Variants in HPSE observed in about 807,000 individuals in gnomAD.
HPSE encodes the protein endo-glucoronidase.
A neutral mutation model predicts 65.1 loss-of-function variants in HPSE; 48 were observed. That is an observed-to-expected ratio of 0.74 (90% CI 0.58 to 0.94). The LOEUF is 0.94. Ranked by LOEUF, HPSE falls within the 40% of genes least tolerant of loss-of-function variation. The pLI, the probability that HPSE is intolerant of heterozygous loss-of-function variation, is 0.00. For synonymous variants in HPSE, 243 were observed against 260.0 expected, an observed-to-expected ratio of 0.93 and a Z score of 0.63; for missense variants, 644 against 637.5, an observed-to-expected ratio of 1.01 and a Z score of -0.11.
intron 8 of HPSE, 76 bp downstream of exon 8, chr4:83,308,769 G>A (rs1379787149): frequency 1.1e-5 from 12 of 1,099,710 alleles, no homozygotes; most frequent in Non-Finnish European, 1.6e-5. Context: ...TTTTTGGCTG[G>A]GGAGCTATTT....
rs1736251751 is a variant in HPSE at position 83,308,865 on chromosome 4, G to A, written c.1071C>T (p.Asp357=). The change falls in exon 8 of 12, where the codon GAC becomes GAT. Residue 357 remains aspartate (D), a synonymous_variant. Coordinates refer to ENST00000311412, the MANE Select transcript of HPSE (RefSeq NM_001098540.3). Reference sequence around the variant, plus strand: ...CTCACATAAAGCCAGCTGCAAAGGTGTCGGATAGCAAGGGCGCTCCGCCTC... The same window carrying A: ...CTCACATAAAGCCAGCTGCAAAGGTATCGGATAGCAAGGGCGCTCCGCCTC... The part of the protein sequence containing the change: ...AYGGGAPLLS[D]TFAAGFMWLD... 2 of 1,613,788 alleles carry A rather than the reference G, an allele frequency of 1.2e-6. No individual in the cohort carries two copies. The highest frequency in any genetic ancestry group is 1.1e-5 in the South Asian group (1 of 91,074).
At position 83,326,632 on chromosome 4, in the gene HPSE, T is replaced by C. The variant is rs1481314998; in HGVS notation, c.228-4268A>G. On this transcript the variant is annotated intron_variant, in intron 1 of 11. Coordinates refer to ENST00000311412, the MANE Select transcript of HPSE (RefSeq NM_001098540.3). This position sits in a 1 kb window ranked among gnomAD's most constrained non-coding sequence, Gnocchi z 4.2. ...GGAATATAGACAGGCGAGTCCTCAG[T>C]AGAAATGTCAGGGACTGGCAACCCC... Among the ~76,000 whole-genome samples the C allele has an allele frequency of 7.2e-5, 11 of 152,070 alleles. No homozygotes were observed. Among genetic ancestry groups the C allele is most frequent in the South Asian group, 2.1e-4 (1 of 4,822 alleles).
rs1298125725 is a variant in HPSE, at chr4:83,326,837, G to A, written c.228-4473C>T. Among the ~76,000 whole-genome samples, 1 of 152,156 alleles carries A rather than the reference G, an allele frequency of 6.6e-6. No individual in the cohort carries two copies. Among genetic ancestry groups the A allele is most frequent in the Non-Finnish European group, 1.5e-5 (1 of 68,026 alleles). ...TAGATTCCTCTAGCTGTATTTGTAA[G>A]CAGTCGCGGCTGGGCAAGAGACTGG... On this transcript the variant is annotated intron_variant, in intron 1 of 11. Coordinates refer to ENST00000311412, the MANE Select transcript of HPSE (RefSeq NM_001098540.3). The surrounding 1 kb of genome is among the most constrained non-coding windows in gnomAD (Gnocchi z 4.2).
At chr4:83,323,231 A>G (rs1452794931) in intron 1 of HPSE, among the ~76,000 whole-genome samples, 1 of 152,136 alleles carries the variant, frequency 6.6e-6, no homozygotes, top group Non-Finnish European at 1.5e-5. Flanking sequence ...AATACTCTGT[A>G]TGTTACTATA....
intron 11 of HPSE, among the ~76,000 whole-genome samples, chr4:83,300,378 CTTT>C (rs1735893259): frequency 6.6e-6 from 1 of 152,126 alleles, no homozygotes; most frequent in African/African-American, 2.4e-5. Context: ...AGAATTATGT[CTTT>C]TTAGAGTAAA....
chr4:83,317,340 A>G (rs1736693446), intron 3 of HPSE, among the ~76,000 whole-genome samples: 1 of 152,212 alleles, frequency 6.6e-6, no homozygotes, highest in African/African-American at 2.4e-5. Context: ...GTTCAGAACA[A>G]TTTGTGGAAT....
At chr4:83,304,694 C>G (rs997170780) in intron 9 of HPSE, among the ~76,000 whole-genome samples, 2 of 152,036 alleles carry the variant, frequency 1.3e-5, no homozygotes, top group Non-Finnish European at 2.9e-5. Flanking sequence ...AATAAATCAC[C>G]ATTCAACACA....
chr4:83,327,015 T>A (rs908146285), intron 1 of HPSE, among the ~76,000 whole-genome samples: 6 of 152,190 alleles, frequency 3.9e-5, no homozygotes, highest in African/African-American at 7.2e-5. Context: ...ATTTTCTTCA[T>A]AGCATTCATC....
chr4:83,327,082 C>T (rs1211897728), intron 1 of HPSE, among the ~76,000 whole-genome samples: 1 of 152,168 alleles, frequency 6.6e-6, no homozygotes, highest in Non-Finnish European at 1.5e-5. Flanking sequence ...ATTGCAGCCC[C>T]CATCTCTGCT....
chr4:83,325,139 GTGTGT>G (rs1737096500), intron 1 of HPSE, among the ~76,000 whole-genome samples: 1 of 71,750 alleles, frequency 1.4e-5, no homozygotes, highest in African/African-American at 9.9e-5. Context: ...TGGTGTGTGT[GTGTGT>G]GTGTGTGTGT....
In HPSE at chr4:83,334,594, G is replaced by A; in HGVS notation, c.189C>T (p.Ala63=). The change falls in exon 1 of 12, where the codon GCC becomes GCT. Residue 63 remains alanine (A), a synonymous_variant. Transcript: ENST00000311412. ...SPSFLSVTID[A]NLATDPRFLI... ...GGAACCGCGGGTCCGTGGCCAGGTT[G>A]GCGTCAATGGTGACGGACAGGAACG... 2 of 1,592,456 alleles carry A rather than the reference G, an allele frequency of 1.3e-6. No homozygotes were observed. Among genetic ancestry groups the A allele is most frequent in the African/African-American group, 2.7e-5 (2 of 74,696 alleles).
chr4:83,334,746 G>C lies in HPSE; in HGVS notation c.37C>G (p.Leu13Val), dbSNP rs752488042. The C allele has an allele frequency of 6.4e-7, 1 of 1,554,760 alleles. No individual in the cohort carries two copies. Among genetic ancestry groups the C allele is most frequent in the Non-Finnish European group, 8.7e-7 (1 of 1,149,148 alleles). The stretch of plus-strand genomic sequence containing the variant: ...AGCGGCCCCAGGAGCAGCAGCATCA[G>C]CGGCGGCGGCAGCGCAGGCTTCGAG... ...LRSKPALPPP[L>V]MLLLLGPLGP... The change falls in exon 1 of 12, where the codon CTG (leucine) becomes GTG (valine). Residue 13 changes from leucine to valine, a missense_variant. Coordinates refer to ENST00000311412, the MANE Select transcript of HPSE (RefSeq NM_001098540.3).
chr4:83,324,113 C>CTTTTTCTTTTTTT (rs1737034963), intron 1 of HPSE, among the ~76,000 whole-genome samples: 1 of 74,742 alleles, frequency 1.3e-5, no homozygotes, highest in African/African-American at 5.2e-5. Context: ...TCTTCTTCTT[C>CTTTTTCTTTTTTT]TTTTTTTTTT....
Position 83,310,833 on chromosome 4 carries a change from T to C in HPSE, c.731A>G (p.Glu244Gly), listed in dbSNP as rs1294069651. The C allele has an allele frequency of 1.9e-6, 3 of 1,613,982 alleles. No homozygotes were observed. The highest frequency in any genetic ancestry group is 2.5e-6 in the Non-Finnish European group (3 of 1,179,858). ...DIFINGSQLG[E>G]DFIQLHKLLR... ...AAGTTTATGCAATTGAATAAAATCT[T>C]CTCCTAACTGCGACCCATTGATGAA... The change falls in exon 5 of 12, where the codon GAA (glutamate) becomes GGA (glycine). Residue 244 changes from glutamate to glycine, a missense_variant. Coordinates refer to ENST00000311412, the MANE Select transcript of HPSE (RefSeq NM_001098540.3).
At chr4:83,329,672 A>G (rs1737290444) in intron 1 of HPSE, among the ~76,000 whole-genome samples, 1 of 152,150 alleles carries the variant, frequency 6.6e-6, no homozygotes, top group Non-Finnish European at 1.5e-5. Flanking sequence ...TTGAGATGAA[A>G]TGCATACATT....
At position 83,302,162 on chromosome 4, in the gene HPSE, G is replaced by T; in HGVS notation, c.1313C>A (p.Thr438Lys). The T allele has an allele frequency of 6.2e-7, 1 of 1,608,806 alleles. No individual in the cohort carries two copies. The highest frequency in any genetic ancestry group is 8.5e-7 in the Non-Finnish European group (1 of 1,175,162). ...RRKLRVYLHC[T>K]NTDNPRYKEG... Reference sequence around the variant, plus strand: ...GTTTCATACTTACTTGTCAGTGTTTGTGCAATGAAGGTATACTCGAAGCTT... The same window carrying T: ...GTTTCATACTTACTTGTCAGTGTTTTTGCAATGAAGGTATACTCGAAGCTT... Residue 438 changes from threonine to lysine, a missense_variant, in exon 10 of 12, where the codon ACA (threonine) becomes AAA (lysine). Physicochemically the swap from Thr to Lys is moderately conservative, Grantham distance 78. Transcript: ENST00000311412.
intron 1 of HPSE, among the ~76,000 whole-genome samples, chr4:83,332,067 TGAC>T (rs1277327116): frequency 6.6e-6 from 1 of 152,234 alleles, no homozygotes; most frequent in Non-Finnish European, 1.5e-5. Flanking sequence ...GCCAGGCAAA[TGAC>T]AAGAACTGAG....
At chr4:83,310,654 A>G (rs1736331134) in intron 5 of HPSE, 68 bp downstream of exon 5, 1 of 1,436,640 alleles carries the variant, frequency 7.0e-7, no homozygotes, top group Non-Finnish European at 9.5e-7. Context: ...TCTGGCTGAC[A>G]GAGTGAGACT....
In HPSE at chr4:83,319,349, T is replaced by C. The variant is rs770108611; in HGVS notation, c.494A>G (p.Tyr165Cys). The change falls in exon 3 of 12, where the codon TAC (tyrosine) becomes TGC (cysteine). Residue 165 changes from tyrosine (Y) to cysteine (C), a missense_variant. Tyr to Cys is a radical substitution (Grantham distance 194, BLOSUM62 -2). Coordinates refer to ENST00000311412, the MANE Select transcript of HPSE (RefSeq NM_001098540.3). ...GGGTGCCTTTCATTTCTTACTTGAG[T>C]AGGTGCTGTTCTTGAACTTTTTCTG... ...HYQKKFKNST[Y>C]SRSSVDVLYT... 6.2e-7 allele frequency: 1 copy of C among 1,613,738 alleles called. No individual in the cohort carries two copies. The highest frequency in any genetic ancestry group is 8.5e-7 in the Non-Finnish European group (1 of 1,179,794).
Sources: allele counts gnomAD v4.1 joint callset (sites outside exome capture counted in the v4.1 genomes callset), GRCh38; gene constraint gnomAD v4.1.1; non-coding constraint Gnocchi (gnomAD v3.1); transcripts MANE v1.5; gene names NCBI Gene and HGNC (gene_info 2026-07-23, HGNC 2026-07-21).